Variants in ANTXRL observed in about 807,000 individuals in gnomAD.
ANTXRL encodes ANTXR like, also known as anthrax toxin receptor-like.
In ANTXRL, 63 loss-of-function variants were observed where a neutral mutation model predicts 75.4. That is an observed-to-expected ratio of 0.84 (90% CI 0.68 to 1.03). The LOEUF (loss-of-function observed/expected upper bound fraction) is 1.03, where lower values mean the gene tolerates loss of function less well. Among genes scored for constraint, ANTXRL ranks in the 50% least tolerant of loss-of-function variants. ANTXRL has a pLI of 0.00. For synonymous variants in ANTXRL, 335 were observed against 291.3 expected, an observed-to-expected ratio of 1.15 and a Z score of -1.53; for missense variants, 797 against 789.4, an observed-to-expected ratio of 1.01 and a Z score of -0.12.
In ANTXRL at chr10:46,307,488, C is replaced by G; in HGVS notation, c.1044+8C>G. 1 of 1,535,184 alleles carries G rather than the reference C, an allele frequency of 6.5e-7. No homozygotes were observed. Among genetic ancestry groups the G allele is most frequent in the Non-Finnish European group, 8.7e-7 (1 of 1,145,860 alleles). Reference sequence around the variant, plus strand: ...ATCACCAGCACCACATGTGTGAGTACCAGCATGGGGCTGCAAACATGTATG... The same window carrying G: ...ATCACCAGCACCACATGTGTGAGTAGCAGCATGGGGCTGCAAACATGTATG... On this transcript the variant is annotated splice_region_variant and intron_variant, in intron 12 of 16. Transcript: ENST00000620264.
chr10:46,301,555 C>G (rs542956243), intron 9 of ANTXRL, among the ~76,000 whole-genome samples: 5 of 152,182 alleles, frequency 3.3e-5, no homozygotes, highest in Non-Finnish European at 7.3e-5. Context: ...CTCGGAGCTC[C>G]TCATCTGAGG....
Position 46,307,476 on chromosome 10 carries a change from C to T in ANTXRL, c.1040C>T (p.Thr347Ile). 2 of 1,536,060 alleles carry T rather than the reference C, an allele frequency of 1.3e-6. No individual in the cohort carries two copies. Among genetic ancestry groups the T allele is most frequent in the East Asian group, 2.4e-5 (1 of 40,922 alleles). ...FKSNVSITST[T>I]CGIFRNWLYF... is the part of the protein sequence containing the mutation. ...AGCAATGTCAGCATCACCAGCACCA[C>T]ATGTGTGAGTACCAGCATGGGGCTG... The change falls in exon 12 of 17, where the codon ACA becomes ATA. Residue 347 changes from threonine to isoleucine, a missense_variant. Physicochemically the swap from Thr to Ile is moderately conservative, Grantham distance 89. This residue lies in a region of ANTXRL where 479 missense variants were observed against 422.0 expected (regional missense o/e 1.14). Coordinates refer to ENST00000620264, the MANE Select transcript of ANTXRL (RefSeq NM_001278688.3).
intron 16 of ANTXRL, among the ~76,000 whole-genome samples, chr10:46,317,048 A>G (rs1450968782): frequency 6.6e-6 from 1 of 152,022 alleles, no homozygotes; most frequent in Non-Finnish European, 1.5e-5. Context: ...GCCTCCTGCG[A>G]CCCTAAGCTG....
intron 9 of ANTXRL, among the ~76,000 whole-genome samples, chr10:46,301,577 C>T (rs1554960582): frequency 6.6e-6 from 1 of 152,192 alleles, no homozygotes; most frequent in Non-Finnish European, 1.5e-5. Flanking sequence ...GCATGGTTCC[C>T]TAGGTCCCAG....
Position 46,297,897 on chromosome 10 carries a change from A to G in ANTXRL, c.721A>G (p.Ser241Gly). The G allele has an allele frequency of 6.5e-7, 1 of 1,535,860 alleles. No homozygotes were observed. Among genetic ancestry groups the G allele is most frequent in the Admixed American group, 2.0e-5 (1 of 50,974 alleles). ...AVENGFKALRSTIDALTSKVC... is the reference protein window; with the variant it reads ...AVENGFKALRGTIDALTSKVC... ...GGAGAATGGCTTCAAGGCCCTGAGAAGCACCATTGATGCCGTGAGTGGGCA... is the reference window on the plus strand; with the variant it reads ...GGAGAATGGCTTCAAGGCCCTGAGAGGCACCATTGATGCCGTGAGTGGGCA... The change falls in exon 8 of 17, where the codon AGC (serine) becomes GGC (glycine). Residue 241 changes from serine to glycine, a missense_variant. Physicochemically the swap from Ser to Gly is moderately conservative, Grantham distance 56. This residue lies in a region of ANTXRL where 56 missense variants were observed against 95.5 expected (regional missense o/e 0.59). Coordinates refer to ENST00000620264, the MANE Select transcript of ANTXRL (RefSeq NM_001278688.3).
intron 13 of ANTXRL, 105 bp downstream of exon 13, chr10:46,309,307 C>T: frequency 6.6e-7 from 1 of 1,516,098 alleles, no homozygotes; most frequent in Non-Finnish European, 8.8e-7. Context: ...TGGGAAGTTT[C>T]CCTCAGCTCC....
intron 11 of ANTXRL, 129 bp from the exon 12 acceptor site, chr10:46,307,273 C>A: frequency 1.4e-6 from 1 of 722,262 alleles, no homozygotes; most frequent in Non-Finnish European, 2.4e-6. Flanking sequence ...ACCCACTTAC[C>A]CTTTGGTCAT....
In ANTXRL at chr10:46,299,899, C is replaced by T. The variant is rs527264542; in HGVS notation, c.796+1837C>T. Among the ~76,000 whole-genome samples the T allele has an allele frequency of 2.4e-3, 361 of 152,288 alleles. 3 individuals carry two copies. The highest frequency in any genetic ancestry group is 8.6e-3 in the African/African-American group (356 of 41,554). On this transcript the variant is annotated intron_variant, in intron 9 of 16. Transcript: ENST00000620264. ...GGCTCTGTCCCCGACCCCGCCTCTC[C>T]CCCATGCAGAGCTGAGGGCAGGGGT...
chr10:46,301,476 G>C (rs1837740998), intron 9 of ANTXRL, among the ~76,000 whole-genome samples: 1 of 152,198 alleles, frequency 6.6e-6, no homozygotes, highest in Non-Finnish European at 1.5e-5. Context: ...ACCTTGAGCA[G>C]GAAGAGTAGG....
At chr10:46,306,779 T>C (rs1565034189) in intron 10 of ANTXRL, 24 bp from the exon 11 acceptor site, 2 of 1,505,754 alleles carry the variant, frequency 1.3e-6, no homozygotes, top group East Asian at 5.0e-5. Context: ...GCACTGACAT[T>C]CTTCTCATGT....
At chr10:46,293,568 T>TGTGTGCCTGG (rs1837180648) in intron 2 of ANTXRL, among the ~76,000 whole-genome samples, 1 of 148,706 alleles carries the variant, frequency 6.7e-6, no homozygotes, top group African/African-American at 2.5e-5. Flanking sequence ...TGTGTGCCTG[T>TGTGTGCCTGG]GTGTGCGCGT....
intron 16 of ANTXRL, among the ~76,000 whole-genome samples, chr10:46,326,691 G>A (rs1280075317): frequency 6.6e-6 from 1 of 152,114 alleles, no homozygotes; most frequent in Non-Finnish European, 1.5e-5. Context: ...TGTGAGGCCT[G>A]GACTGTGGTC....
chr10:46,328,568 G>C (rs142653469), intron 16 of ANTXRL, among the ~76,000 whole-genome samples: 1 of 151,976 alleles, frequency 6.6e-6, no homozygotes, highest in Non-Finnish European at 1.5e-5. Context: ...TGGCCATGTT[G>C]CTCAGCAAGG....
intron 15 of ANTXRL, 68 bp downstream of exon 15, chr10:46,311,733 G>C (rs1838439949): frequency 1.5e-6 from 1 of 676,964 alleles, no homozygotes; most frequent in Non-Finnish European, 2.6e-6. Flanking sequence ...GGGCAGATGG[G>C]TCCCACTGTG....
At chr10:46,295,510 G>GAGTTAGA (rs1554958274) in intron 3 of ANTXRL, among the ~76,000 whole-genome samples, 3 of 61,740 alleles carry the variant, frequency 4.9e-5, no homozygotes, top group Non-Finnish European at 1.3e-4. Context: ...GTTAGAGTTA[G>GAGTTAGA]GAATGTCAAC....
In ANTXRL at chr10:46,295,999, C is replaced by G; in HGVS notation, c.393-20C>G. 1 of 1,532,080 alleles carries G rather than the reference C, an allele frequency of 6.5e-7. No homozygotes were observed. The highest frequency in any genetic ancestry group is 2.4e-5 in the East Asian group (1 of 40,900). 94.9% of individuals were successfully genotyped at this position (1,532,080 alleles called of 1,614,324 possible). A position where few individuals can be genotyped will look rare whatever the true frequency, so the allele number is the denominator to read the frequency against. On this transcript the variant is annotated intron_variant, in intron 3 of 16. Coordinates refer to ENST00000620264, the MANE Select transcript of ANTXRL (RefSeq NM_001278688.3). Reference sequence around the variant, plus strand: ...AGTCAATGTCTTTCCAGGTCAACCACCTTTTTAAATTTTTTTCAGGAATAG... The same window carrying G: ...AGTCAATGTCTTTCCAGGTCAACCAGCTTTTTAAATTTTTTTCAGGAATAG...
chr10:46,297,261 C>T lies in ANTXRL; in HGVS notation c.518C>T (p.Pro173Leu). ...IESFNSGNKV[P>L]SMIIAMTDGE... ...TTTGCTTCTTCTACAGACAAGGTTC[C>T]CAGCATGATTATTGCTATGACTGAT... is the stretch of plus-strand genomic sequence containing the variant. Residue 173 changes from proline to leucine, a missense_variant, in exon 6 of 17, where the codon CCC becomes CTC. Pro to Leu is a moderately conservative substitution (Grantham distance 98). Transcript: ENST00000620264. 1 of 1,536,436 alleles carries T rather than the reference C, an allele frequency of 6.5e-7. No homozygotes were observed. The highest frequency in any genetic ancestry group is 8.7e-7 in the Non-Finnish European group (1 of 1,146,842).
At chr10:46,306,989 G>A in intron 11 of ANTXRL, 117 bp downstream of exon 11, 1 of 897,198 alleles carries the variant, frequency 1.1e-6, no homozygotes, top group Non-Finnish European at 1.6e-6. Flanking sequence ...ACATATCTGT[G>A]GCTGCGCAAA....
At chr10:46,291,855 G>GT (rs1837000276) in intron 1 of ANTXRL, among the ~76,000 whole-genome samples, 1 of 152,042 alleles carries the variant, frequency 6.6e-6, no homozygotes, top group Non-Finnish European at 1.5e-5. Flanking sequence ...ATGGGGCTGG[G>GT]TGGTCACCTT....
Sources: allele counts gnomAD v4.1 joint callset (sites outside exome capture counted in the v4.1 genomes callset), GRCh38; gene constraint gnomAD v4.1.1; regional missense constraint gnomAD v4.1.1; transcripts MANE v1.5; gene names NCBI Gene and HGNC (gene_info 2026-07-23, HGNC 2026-07-21).